Variants in ZNG1C observed in about 807,000 individuals in gnomAD.
The protein encoded by ZNG1C is Zn regulated GTPase metalloprotein activator 1C.
the ZNG1C span, among the ~76,000 whole-genome samples, chr9:68,287,495 T>C: frequency 6.6e-6 from 1 of 152,292 alleles, no homozygotes; most frequent in Non-Finnish European, 1.5e-5. Context: ...GCATCAACAT[T>C]TAGCTGATTT....
the ZNG1C span, among the ~76,000 whole-genome samples, chr9:68,267,162 T>C: frequency 6.6e-6 from 1 of 152,290 alleles, no homozygotes. Flanking sequence ...AAAATTACTA[T>C]TCTTAGTATT....
At chr9:68,293,940 A>G in the ZNG1C span, among the ~76,000 whole-genome samples, 1 of 147,560 alleles carries the variant, frequency 6.8e-6, no homozygotes, top group Non-Finnish European at 1.5e-5. Context: ...AGCCAACAAA[A>G]TGAGCCTCAA....
At chr9:68,251,112 T>TGGAGTAATTTTGATGA in the ZNG1C span, 1 of 325,984 alleles carries the variant, frequency 3.1e-6, no homozygotes, top group Non-Finnish European at 5.9e-6. Context: ...AAGCTGTGTT[T>TGGAGTAATTTTGATGA]ATACTATACT....
the ZNG1C span, among the ~76,000 whole-genome samples, chr9:68,284,932 T>C: frequency 3.3e-5 from 5 of 150,138 alleles, no homozygotes; most frequent in South Asian, 2.1e-4. Flanking sequence ...GTATGAAGTT[T>C]TAGGCAGTCA....
the ZNG1C span, chr9:68,248,943 A>G: frequency 4.0e-5 from 13 of 325,426 alleles, no homozygotes; most frequent in East Asian, 4.9e-4. Context: ...TCTGTGATAT[A>G]TTGTAAATAG....
chr9:68,244,724 T>C, the ZNG1C span, among the ~76,000 whole-genome samples: 1,531 of 116,624 alleles, frequency 0.013, 2 homozygotes, highest in African/African-American at 0.053. Context: ...GATTGACATA[T>C]TGGGTTTCAT....
the ZNG1C span, among the ~76,000 whole-genome samples, chr9:68,264,821 T>TTTTATA: frequency 0.049 from 1,212 of 24,812 alleles, 39 homozygotes; most frequent in Non-Finnish European, 0.062. Flanking sequence ...GGATTGAAGA[T>TTTTATA]TATATATATA....
the ZNG1C span, among the ~76,000 whole-genome samples, chr9:68,256,451 TA>T: frequency 1.5e-5 from 2 of 131,630 alleles, no homozygotes; most frequent in African/African-American, 2.9e-5. Flanking sequence ...AGATTACAAG[TA>T]AATTTTTTTT....
the ZNG1C span, among the ~76,000 whole-genome samples, chr9:68,256,015 C>T: frequency 2.0e-5 from 3 of 152,296 alleles, no homozygotes; most frequent in Admixed American, 2.0e-4. Context: ...TCTTGTGGCC[C>T]TTGCTATATC....
chr9:68,264,855 A>ATATATATATGTG, the ZNG1C span, among the ~76,000 whole-genome samples: 1 of 72,260 alleles, frequency 1.4e-5, no homozygotes, highest in African/African-American at 5.1e-5. Flanking sequence ...ATATATATAT[A>ATATATATATGTG]TGTATAATAA....
the ZNG1C span, among the ~76,000 whole-genome samples, chr9:68,247,402 T>C: frequency 6.6e-6 from 1 of 151,178 alleles, no homozygotes; most frequent in African/African-American, 2.4e-5. Context: ...TTAGGATGTG[T>C]CTTTTTCAGG....
chr9:68,286,888 G>C, the ZNG1C span, among the ~76,000 whole-genome samples: 2 of 120,840 alleles, frequency 1.7e-5, no homozygotes, highest in Non-Finnish European at 3.5e-5. Context: ...ATAAATGAGA[G>C]AAATACAAGT....
chr9:68,246,283 AAAAAGT>A, the ZNG1C span, among the ~76,000 whole-genome samples: 1 of 98,900 alleles, frequency 1.0e-5, no homozygotes, highest in South Asian at 4.1e-4. Context: ...TTTCAGTTGT[AAAAAGT>A]AAAAGAGCTA....
chr9:68,268,617 C>G, the ZNG1C span, among the ~76,000 whole-genome samples: 14 of 152,222 alleles, frequency 9.2e-5, no homozygotes, highest in African/African-American at 3.4e-4. Flanking sequence ...GGATAACTGA[C>G]TATTTATGAA....
the ZNG1C span, among the ~76,000 whole-genome samples, chr9:68,266,760 C>CCG: frequency 1.3e-5 from 2 of 150,088 alleles, no homozygotes; most frequent in South Asian, 2.1e-4. Context: ...TGTCTCTCCC[C>CCG]GCTTCCTATG....
the ZNG1C span, among the ~76,000 whole-genome samples, chr9:68,296,305 G>A: frequency 4.6e-5 from 7 of 152,126 alleles, no homozygotes; most frequent in Non-Finnish European, 8.8e-5. Context: ...ATAAACTTTG[G>A]GGACTCAGGG....
At chr9:68,275,989 T>C in the ZNG1C span, among the ~76,000 whole-genome samples, 2 of 151,696 alleles carry the variant, frequency 1.3e-5, no homozygotes, top group African/African-American at 4.8e-5. Flanking sequence ...TTTTAATGAT[T>C]GCCATTCTAA....
chr9:68,288,679 A>G, the ZNG1C span, among the ~76,000 whole-genome samples: 12 of 103,552 alleles, frequency 1.2e-4, no homozygotes, highest in East Asian at 1.0e-3. Flanking sequence ...TTTTTTAGTA[A>G]AGATGGGGTT....
the ZNG1C span, chr9:68,299,262 G>C: frequency 3.8e-5 from 57 of 1,515,394 alleles, no homozygotes; most frequent in Non-Finnish European, 4.7e-5. Flanking sequence ...AAGCTTGTTA[G>C]GACTTTTGTT....
Sources: allele counts gnomAD v4.1 joint callset (sites outside exome capture counted in the v4.1 genomes callset), GRCh38; gene constraint gnomAD v4.1.1; transcripts MANE v1.5; gene names NCBI Gene and HGNC (gene_info 2026-07-23, HGNC 2026-07-21).